The following PTH2R variants were observed in gnomAD, a reference collection of about 807,000 sequenced individuals.
PTH2R encodes parathyroid hormone 2 receptor.
In PTH2R, 59 loss-of-function variants were observed where a neutral mutation model predicts 60.3. The ratio of observed to expected loss-of-function variants is 0.98; its 90% CI spans 0.79 to 1.22. The LOEUF (loss-of-function observed/expected upper bound fraction) is 1.22, where lower values mean the gene tolerates loss of function less well. PTH2R is among the 50% of genes most tolerant of loss of function. The pLI, the probability that PTH2R is intolerant of heterozygous loss-of-function variation, is 0.00. For missense variants in PTH2R, 749 were observed against 682.6 expected (o/e 1.10, Z -1.08); for synonymous variants, 256 against 243.8 (o/e 1.05, Z -0.47).
At position 208,493,287 on chromosome 2, in the gene PTH2R, G is replaced by A. The variant is rs770797290; in HGVS notation, c.1281G>A (p.Met427Ile). ...NGEVQAEVKKMWSRWNLSVDW... is the reference protein window; with the variant it reads ...NGEVQAEVKKIWSRWNLSVDW... Reference sequence around the variant, plus strand: ...AGGTTCAGGCAGAGGTGAAGAAGATGTGGAGTCGGTGGAACCTCTCCGTGG... The same window carrying A: ...AGGTTCAGGCAGAGGTGAAGAAGATATGGAGTCGGTGGAACCTCTCCGTGG... The change falls in exon 13 of 13, where the codon ATG becomes ATA. Residue 427 changes from methionine to isoleucine, a missense_variant. Met to Ile is a conservative substitution (Grantham distance 10). Coordinates refer to ENST00000272847, the MANE Select transcript of PTH2R (RefSeq NM_005048.4). 7 of 1,517,262 alleles carry A rather than the reference G, an allele frequency of 4.6e-6. No homozygotes were observed. In the Admixed American group the frequency reaches 8.6e-5, roughly 19 times the overall value. 94.0% of individuals were successfully genotyped at this position (1,517,262 alleles called of 1,614,324 possible).
chr2:208,474,986 A>T (rs1241964446), intron 9 of PTH2R, among the ~76,000 whole-genome samples: 6 of 152,206 alleles, frequency 3.9e-5, no homozygotes, highest in Non-Finnish European at 7.3e-5. Context: ...TGCTGATGTG[A>T]GTAATGGAAG....
intron 1 of PTH2R, among the ~76,000 whole-genome samples, chr2:208,368,565 C>A (rs755036389): frequency 9.2e-5 from 14 of 152,006 alleles, no homozygotes; most frequent in Non-Finnish European, 1.9e-4. Flanking sequence ...ACTACCCCAA[C>A]ACCTGCTTGT....
chr2:208,429,379 T>C (rs1467942694), intron 2 of PTH2R, among the ~76,000 whole-genome samples: 1 of 152,190 alleles, frequency 6.6e-6, no homozygotes, highest in African/African-American at 2.4e-5. Context: ...TTTTACTTCA[T>C]ATATTTTGAA....
chr2:208,446,011 T>G (rs1222316553), intron 7 of PTH2R, among the ~76,000 whole-genome samples: 10 of 152,216 alleles, frequency 6.6e-5, no homozygotes, highest in Non-Finnish European at 1.3e-4. Flanking sequence ...GTAGTTTGCC[T>G]TCCTTCAAAT....
chr2:208,481,596 G>A (rs1397835283), intron 10 of PTH2R, among the ~76,000 whole-genome samples: 1 of 152,128 alleles, frequency 6.6e-6, no homozygotes, highest in African/African-American at 2.4e-5. Flanking sequence ...TATTTATTGT[G>A]TGATTTATCA....
At chr2:208,473,487 C>G (rs1023917020) in intron 9 of PTH2R, among the ~76,000 whole-genome samples, 1 of 152,144 alleles carries the variant, frequency 6.6e-6, no homozygotes, top group East Asian at 1.9e-4. Flanking sequence ...ATTCCTTTAA[C>G]AATGAAACCT....
chr2:208,384,724 G>A (rs995503773), intron 1 of PTH2R, among the ~76,000 whole-genome samples: 18 of 152,288 alleles, frequency 1.2e-4, no homozygotes, highest in African/African-American at 3.8e-4. Flanking sequence ...AAATTAAAAT[G>A]TTCTTATGTT....
chr2:208,423,462 T>C (rs2105849207), intron 1 of PTH2R, among the ~76,000 whole-genome samples: 1 of 152,342 alleles, frequency 6.6e-6, no homozygotes, highest in Admixed American at 6.5e-5. Context: ...CTGAGAACTC[T>C]GTATGCTTGC....
rs908012762 is a variant in PTH2R at position 208,396,535 on chromosome 2, C to G, written c.-258-31666C>G. Among the ~76,000 whole-genome samples, 6 of 152,212 alleles carry G rather than the reference C, an allele frequency of 3.9e-5. No individual in the cohort carries two copies. The South Asian group carries it at 1.0e-3, about 26-fold the overall frequency. On this transcript the variant is annotated intron_variant, in intron 1 of 12. Coordinates refer to the PTH2R transcript ENST00000617735. ...CTTCTCAAAATAAGACATTTATGCA[C>G]CCAACAGACACATGAAAAAATGCTC...
chr2:208,373,926 TAA>T (rs1700747550), intron 1 of PTH2R, among the ~76,000 whole-genome samples: 1 of 152,142 alleles, frequency 6.6e-6, no homozygotes, highest in Admixed American at 6.5e-5. Context: ...AAACTGGCAC[TAA>T]AAGCTTTTTA....
At chr2:208,457,886 C>T (rs1253002713) in intron 8 of PTH2R, among the ~76,000 whole-genome samples, 5 of 152,128 alleles carry the variant, frequency 3.3e-5, no homozygotes, top group African/African-American at 1.2e-4. Flanking sequence ...TTATCTATAG[C>T]TTGCTCATTA....
intron 7 of PTH2R, among the ~76,000 whole-genome samples, chr2:208,445,276 T>C (rs1317920579): frequency 6.6e-6 from 1 of 152,240 alleles, no homozygotes; most frequent in Admixed American, 6.5e-5. Context: ...TTTTGGTTTG[T>C]ATTTCTAGGT....
chr2:208,462,125 A>G lies in PTH2R; in HGVS notation c.981+2164A>G, dbSNP rs560662973. Among the ~76,000 whole-genome samples, 22 of 152,338 alleles carry G rather than the reference A, an allele frequency of 1.4e-4. 1 individual carries two copies. The South Asian group carries it at 4.6e-3, about 32-fold the overall frequency. The stretch of plus-strand genomic sequence containing the variant: ...ATTATTATAATTTAGTGTTATCACA[A>G]TTCCCTTGAAGGCTCTTAACTTACT... On this transcript the variant is annotated intron_variant, in intron 9 of 12. Transcript: ENST00000272847.
intron 8 of PTH2R, among the ~76,000 whole-genome samples, chr2:208,457,428 A>C (rs547088007): frequency 1.3e-5 from 2 of 152,338 alleles, no homozygotes; most frequent in South Asian, 4.1e-4. Flanking sequence ...CCAGAATTAC[A>C]CTTTAGTGTA....
intron 1 of PTH2R, among the ~76,000 whole-genome samples, chr2:208,362,701 G>C (rs895329269): frequency 6.6e-6 from 1 of 152,192 alleles, no homozygotes; most frequent in Non-Finnish European, 1.5e-5. Context: ...GAAGTGGATT[G>C]CTGGATGATT....
chr2:208,412,710 A>C (rs1701564841), intron 1 of PTH2R, among the ~76,000 whole-genome samples: 1 of 152,172 alleles, frequency 6.6e-6, no homozygotes, highest in African/African-American at 2.4e-5. Context: ...TCATTTTATC[A>C]TGTCAAGAGT....
intron 1 of PTH2R, among the ~76,000 whole-genome samples, chr2:208,362,999 A>G (rs1700508649): frequency 6.6e-6 from 1 of 152,170 alleles, no homozygotes; most frequent in Non-Finnish European, 1.5e-5. Flanking sequence ...AAAAATGTCT[A>G]TTCAAGTCTT....
chr2:208,442,452 G>T lies in PTH2R; in HGVS notation c.500G>T (p.Gly167Val), dbSNP rs776441368. Residue 167 changes from glycine (G) to valine (V), a missense_variant, in exon 5 of 13, where the codon GGT becomes GTT. Transcript: ENST00000272847. ...TTGGCTGTGGCTATTCTCATCATTG[G>T]TTACTTCAGGTGAGTGATGCCCATC... ...GSLAVAILII[G>V]YFRRLHCTRN... 3.1e-6 allele frequency: 5 copies of T among 1,603,368 alleles called. No homozygotes were observed. In the South Asian group the frequency reaches 4.4e-5, roughly 14 times the overall value.
At chr2:208,409,992 C>A (rs1052621004) in intron 1 of PTH2R, among the ~76,000 whole-genome samples, 1 of 151,980 alleles carries the variant, frequency 6.6e-6, no homozygotes, top group African/African-American at 2.4e-5. Context: ...AACCTCAGAC[C>A]GGCAAGCAAA....
Sources: allele counts gnomAD v4.1 joint callset (sites outside exome capture counted in the v4.1 genomes callset), GRCh38; gene constraint gnomAD v4.1.1; transcripts MANE v1.5; gene names NCBI Gene and HGNC (gene_info 2026-07-23, HGNC 2026-07-21).